The following NTRK3 variants were observed in gnomAD, a reference collection of about 807,000 sequenced individuals.
The protein encoded by NTRK3 is neurotrophic receptor tyrosine kinase 3.
Under a neutral mutation model 91.7 loss-of-function variants are expected in NTRK3, and 24 were observed. The ratio of observed to expected loss-of-function variants is 0.26; its 90% CI spans 0.19 to 0.37. NTRK3 has a LOEUF of 0.37. Ranked by LOEUF, NTRK3 falls within the 10% of genes least tolerant of loss-of-function variation. The pLI is 1.00. For missense variants in NTRK3, 880 were observed against 1,068.9 expected (o/e 0.82, Z 2.46); for synonymous variants, 483 against 404.0 (o/e 1.20, Z -2.34).
chr15:87,888,801 G>A (rs945176511), intron 17 of NTRK3, among the ~76,000 whole-genome samples: 13 of 151,746 alleles, frequency 8.6e-5, no homozygotes, highest in Admixed American at 2.6e-4. Context: ...TTCAAATTTA[G>A]CAAGGTGTCC....
At chr15:88,129,664 A>G (rs2053619081) in intron 10 of NTRK3, among the ~76,000 whole-genome samples, 1 of 152,210 alleles carries the variant, frequency 6.6e-6, no homozygotes, top group African/African-American at 2.4e-5. Flanking sequence ...AATGGCTTGT[A>G]ATACTAAAAA....
At position 88,241,598 on chromosome 15, in the gene NTRK3, C is replaced by T. The variant is rs571489769; in HGVS notation, c.248+14308G>A. 3.9e-4 allele frequency among the ~76,000 whole-genome samples: 59 copies of T among 152,240 alleles called. No homozygotes were observed. The highest frequency in any genetic ancestry group is 1.3e-3 in the African/African-American group (53 of 41,542). ...TCACCTAGGAGCAGGGGGCATGGGG[C>T]AGGTCAGCCGCTGGTTGGGCAGAAT... On this transcript the variant is annotated intron_variant, in intron 3 of 18. Coordinates refer to ENST00000394480, the Ensembl canonical transcript of NTRK3. The surrounding 1 kb of genome is among the most constrained non-coding windows in gnomAD (Gnocchi z 4.3).
chr15:88,069,943 G>A lies in NTRK3; in HGVS notation c.1397-36898C>T, dbSNP rs114736799. Among the ~76,000 whole-genome samples the A allele has an allele frequency of 2.0e-3, 301 of 152,246 alleles. 1 individual carries two copies. Among genetic ancestry groups the A allele is most frequent in the African/African-American group, 7.1e-3 (295 of 41,544 alleles). On this transcript the variant is annotated intron_variant, in intron 13 of 18. Transcript: ENST00000394480. ...CAGGTCGCTGTTGAGAGTCTAGGGC[G>A]ATCTCAGAAAGATCCAGGACACCAC...
intron 5 of NTRK3, among the ~76,000 whole-genome samples, chr15:88,173,415 GC>G (rs146263007): frequency 0.012 from 1,808 of 152,254 alleles, 21 homozygotes; most frequent in African/African-American, 0.041. Context: ...GTAGCCCCAT[GC>G]TCCCTGGAAA....
intron 14 of NTRK3, among the ~76,000 whole-genome samples, chr15:87,949,971 C>T (rs1335807942): frequency 6.6e-6 from 1 of 152,148 alleles, no homozygotes; most frequent in African/African-American, 2.4e-5. Flanking sequence ...GTGACAAACC[C>T]TCTTCAAAGT....
At chr15:88,067,389 G>T (rs552525017) in intron 13 of NTRK3, among the ~76,000 whole-genome samples, 5 of 152,066 alleles carry the variant, frequency 3.3e-5, no homozygotes, top group Non-Finnish European at 5.9e-5. Context: ...ATCCCTCCTG[G>T]ATCTATTTTC....
At chr15:87,890,456 C>A (rs1008804370) in intron 17 of NTRK3, among the ~76,000 whole-genome samples, 3 of 152,122 alleles carry the variant, frequency 2.0e-5, no homozygotes, top group African/African-American at 7.2e-5. Context: ...AAGATAAATT[C>A]ATTCTCTTTA....
intron 14 of NTRK3, among the ~76,000 whole-genome samples, chr15:87,967,420 G>A (rs1180500867): frequency 1.3e-5 from 2 of 152,166 alleles, no homozygotes; most frequent in Non-Finnish European, 2.9e-5. Context: ...CCCAGCTTAG[G>A]AGAAAGAGGA....
chr15:87,949,868 G>A (rs1055878895), intron 14 of NTRK3, among the ~76,000 whole-genome samples: 2 of 152,182 alleles, frequency 1.3e-5, no homozygotes, highest in Non-Finnish European at 2.9e-5. Context: ...GTGAAGTTAG[G>A]TGCTGAAAGA....
intron 12 of NTRK3, 105 bp downstream of exon 12, chr15:88,127,057 T>TC (rs1170380735): frequency 2.0e-6 from 2 of 1,017,664 alleles, no homozygotes; most frequent in Non-Finnish European, 3.0e-6. Context: ...CTTTTTTTTT[T>TC]CAAAGTTTCA....
At chr15:88,075,658 T>A (rs1208116782) in intron 13 of NTRK3, among the ~76,000 whole-genome samples, 2 of 152,206 alleles carry the variant, frequency 1.3e-5, no homozygotes, top group African/African-American at 2.4e-5. Context: ...TCGAAGAGCA[T>A]CCATGTACCT....
chr15:88,084,493 C>T lies in NTRK3; in HGVS notation c.1396+41778G>A, dbSNP rs146204345. Among the ~76,000 whole-genome samples, 81 of 152,308 alleles carry T rather than the reference C, an allele frequency of 5.3e-4. No individual in the cohort carries two copies. The East Asian group carries it at 0.013, about 24-fold the overall frequency. On this transcript the variant is annotated intron_variant, in intron 13 of 18. Coordinates refer to ENST00000394480, the Ensembl canonical transcript of NTRK3. ...CAGCGTCTTCACTCAAAACAGAATG[C>T]TGCAAGCAGGTTCCTCTGGAAATGG...
At chr15:87,865,940 G>A (rs776472338) in exon 19 of NTRK3, 1 of 230,824 alleles carries the variant, frequency 4.3e-6, no homozygotes, top group Non-Finnish European at 8.6e-6. Flanking sequence ...GGGAAGATAT[G>A]CCTCAAAATG....
chr15:88,045,796 C>A (rs998656538), intron 13 of NTRK3, among the ~76,000 whole-genome samples: 4 of 152,218 alleles, frequency 2.6e-5, no homozygotes, highest in Non-Finnish European at 5.9e-5. Context: ...CATCATGTAG[C>A]CTTCTCCGCT....
At chr15:88,079,463 C>A (rs1265975690) in intron 13 of NTRK3, among the ~76,000 whole-genome samples, 1 of 152,180 alleles carries the variant, frequency 6.6e-6, no homozygotes, top group African/African-American at 2.4e-5. Context: ...GGTGGCAGAG[C>A]CTACCTCCCT....
At chr15:87,955,161 T>C (rs1344056320) in intron 14 of NTRK3, among the ~76,000 whole-genome samples, 4 of 152,186 alleles carry the variant, frequency 2.6e-5, no homozygotes, top group Admixed American at 1.3e-4. Flanking sequence ...TAAGATTCAT[T>C]TCTGCTCTGT....
chr15:88,182,130 T>C (rs1177028642), intron 5 of NTRK3, among the ~76,000 whole-genome samples: 1 of 152,098 alleles, frequency 6.6e-6, no homozygotes, highest in Non-Finnish European at 1.5e-5. Flanking sequence ...CTCAGTCCCC[T>C]GGGGCTGATA....
chr15:87,997,903 G>C (rs973121167), intron 14 of NTRK3, among the ~76,000 whole-genome samples: 29 of 152,300 alleles, frequency 1.9e-4, no homozygotes, highest in African/African-American at 5.8e-4. Context: ...ACAGGGGAGA[G>C]TCACTGTCTT....
exon 19 of NTRK3, chr15:87,876,099 C>A: frequency 4.3e-6 from 1 of 232,476 alleles, no homozygotes; most frequent in Non-Finnish European, 8.5e-6. Context: ...TTCTGTGGTT[C>A]TTTTACTCCA....
Sources: gnomAD v4.1 joint callset for allele counts (sites outside exome capture counted in the v4.1 genomes callset) on GRCh38, gnomAD v4.1.1 for gene constraint, Gnocchi (gnomAD v3.1) non-coding constraint, MANE v1.5 for transcripts, NCBI Gene and HGNC (gene_info 2026-07-23, HGNC 2026-07-21) for gene names.